The following BBX variants were observed in gnomAD, a reference collection of about 807,000 sequenced individuals.
BBX encodes HMG box transcription factor BBX.
BBX carries 30 observed loss-of-function variants against 100.2 expected under a neutral mutation model. That is an observed-to-expected ratio of 0.30 (90% CI 0.22 to 0.41). The LOEUF (loss-of-function observed/expected upper bound fraction) is 0.41. Ranked by LOEUF, BBX falls within the 10% of genes least tolerant of loss-of-function variation. The probability of loss-of-function intolerance (pLI) is 1.00; values close to 1 mark genes in which losing one functional copy is unlikely to be tolerated. For synonymous variants in BBX, 376 were observed against 388.1 expected, an observed-to-expected ratio of 0.97 and a Z score of 0.37; for missense variants, 1,023 against 1,129.8, an observed-to-expected ratio of 0.91 and a Z score of 1.35.
Position 107,741,017 on chromosome 3 carries a change from T to G in BBX, c.670-3613T>G, listed in dbSNP as rs528329538. 1.7e-4 allele frequency among the ~76,000 whole-genome samples: 25 copies of G among 150,432 alleles called. 1 individual carries two copies. Among genetic ancestry groups the G allele is most frequent in the African/African-American group, 4.9e-4 (20 of 40,802 alleles). ...CTTCTTGAAAGTAGCAGTCTTTGTGTCTGGCATGTCATAGGTGCCTATTAA... is the reference window on the plus strand; with the variant it reads ...CTTCTTGAAAGTAGCAGTCTTTGTGGCTGGCATGTCATAGGTGCCTATTAA... On this transcript the variant is annotated intron_variant, in intron 7 of 17. Coordinates refer to ENST00000325805, the MANE Select transcript of BBX (RefSeq NM_001142568.3).
intron 4 of BBX, among the ~76,000 whole-genome samples, chr3:107,713,284 A>G (rs1179001040): frequency 6.6e-6 from 1 of 151,880 alleles, no homozygotes; most frequent in Non-Finnish European, 1.5e-5. Context: ...TTTTGCCTGG[A>G]CAGCTGGAAT....
chr3:107,591,833 C>T (rs1276289945), intron 2 of BBX, among the ~76,000 whole-genome samples: 1 of 152,122 alleles, frequency 6.6e-6, no homozygotes, highest in East Asian at 1.9e-4. Flanking sequence ...CCAAACCCCA[C>T]ACTGAAATAT....
intron 2 of BBX, among the ~76,000 whole-genome samples, chr3:107,610,526 G>C (rs1229398946): frequency 3.3e-5 from 5 of 152,004 alleles, no homozygotes; most frequent in Non-Finnish European, 7.4e-5. Context: ...GGGTGTTCCA[G>C]TGTTGGGTGC....
intron 2 of BBX, among the ~76,000 whole-genome samples, chr3:107,564,971 C>G (rs1029440836): frequency 2.0e-5 from 3 of 152,120 alleles, no homozygotes; most frequent in South Asian, 4.1e-4. Flanking sequence ...TGGGAACATT[C>G]ACTCCATTTA....
chr3:107,617,798 T>C (rs774203599), intron 2 of BBX, among the ~76,000 whole-genome samples: 2 of 152,252 alleles, frequency 1.3e-5, no homozygotes, highest in African/African-American at 2.4e-5. Context: ...TGTAGATTCC[T>C]TGGGATTTTC....
chr3:107,687,880 C>T (rs2059938711), intron 3 of BBX, among the ~76,000 whole-genome samples: 1 of 152,030 alleles, frequency 6.6e-6, no homozygotes, highest in African/African-American at 2.4e-5. Flanking sequence ...CATGGCGAAA[C>T]CCCATCTCTA....
intron 7 of BBX, among the ~76,000 whole-genome samples, chr3:107,742,518 G>A (rs924411330): frequency 1.3e-5 from 2 of 151,984 alleles, no homozygotes. Flanking sequence ...AGAATAACTA[G>A]GTTTTAAGAG....
intron 2 of BBX, among the ~76,000 whole-genome samples, chr3:107,560,094 G>A (rs189049657): frequency 3.3e-5 from 5 of 151,794 alleles, no homozygotes; most frequent in African/African-American, 4.8e-5. Context: ...TTTCCTCGTC[G>A]ACTCACATGC....
At chr3:107,730,315 T>C (rs373285399) in intron 6 of BBX, among the ~76,000 whole-genome samples, 8 of 152,192 alleles carry the variant, frequency 5.3e-5, no homozygotes, top group African/African-American at 1.9e-4. Flanking sequence ...TTTTCTGGAC[T>C]TCCCAGGTTA....
chr3:107,546,451 A>G (rs1267077410), intron 2 of BBX, among the ~76,000 whole-genome samples: 1 of 152,198 alleles, frequency 6.6e-6, no homozygotes, highest in Non-Finnish European at 1.5e-5. Context: ...TCCATGATAC[A>G]CAGAACCATA....
chr3:107,654,587 A>G (rs9854942), intron 3 of BBX, among the ~76,000 whole-genome samples: 19,100 of 152,200 alleles, frequency 0.13, 1,442 homozygotes, highest in Middle Eastern at 0.19. Context: ...AATGCTCACT[A>G]TTGATTCCTG....
At chr3:107,787,760 TAAGTA>T (rs1368414753) in intron 13 of BBX, among the ~76,000 whole-genome samples, 29 of 152,182 alleles carry the variant, frequency 1.9e-4, no homozygotes, top group Admixed American at 1.9e-3. Flanking sequence ...TGAAGATAGT[TAAGTA>T]AAGCCTTGAA....
chr3:107,609,843 T>G (rs2054712030), intron 2 of BBX, among the ~76,000 whole-genome samples: 1 of 152,124 alleles, frequency 6.6e-6, no homozygotes, highest in South Asian at 2.1e-4. Flanking sequence ...GTTGATATTT[T>G]GTATTGTTTT....
chr3:107,791,907 A>G (rs2069096414), intron 15 of BBX, among the ~76,000 whole-genome samples: 1 of 152,216 alleles, frequency 6.6e-6, no homozygotes, highest in Non-Finnish European at 1.5e-5. Context: ...AGGCTGAGGC[A>G]GGAGAGTTGC....
intron 4 of BBX, 148 bp from the exon 5 acceptor site, chr3:107,716,459 G>A: frequency 1.0e-6 from 1 of 978,322 alleles, no homozygotes; most frequent in Non-Finnish European, 1.5e-6. Context: ...AACAGTGGTT[G>A]TTGATTTTTT....
intron 16 of BBX, among the ~76,000 whole-genome samples, chr3:107,800,578 C>T (rs2070337558): frequency 6.6e-6 from 1 of 152,180 alleles, no homozygotes; most frequent in African/African-American, 2.4e-5. Flanking sequence ...TCCAGTAGGT[C>T]TTTAGAACAA....
At chr3:107,689,541 G>T (rs1337888420) in intron 3 of BBX, among the ~76,000 whole-genome samples, 1 of 152,186 alleles carries the variant, frequency 6.6e-6, no homozygotes, top group Non-Finnish European at 1.5e-5. Flanking sequence ...CGACTTCTGA[G>T]AGTACTTTAA....
chr3:107,729,749 T>G (rs1005472372), intron 6 of BBX, among the ~76,000 whole-genome samples: 2 of 152,140 alleles, frequency 1.3e-5, no homozygotes, highest in African/African-American at 4.8e-5. Context: ...AAGCAAATTT[T>G]CTTCCAAAGC....
intron 2 of BBX, among the ~76,000 whole-genome samples, chr3:107,633,731 C>G (rs1402944140): frequency 6.6e-6 from 1 of 152,244 alleles, no homozygotes; most frequent in Non-Finnish European, 1.5e-5. Flanking sequence ...CCAAAACTGC[C>G]TGTTAGAAAC....
Sources: allele counts gnomAD v4.1 joint callset (sites outside exome capture counted in the v4.1 genomes callset), GRCh38; gene constraint gnomAD v4.1.1; transcripts MANE v1.5; gene names NCBI Gene and HGNC (gene_info 2026-07-23, HGNC 2026-07-21).